ARFGEF3: variants seen among roughly 807,000 people sequenced by gnomAD.
ARFGEF3 encodes the protein brefeldin A-inhibited guanine nucleotide-exchange protein 3.
A neutral mutation model predicts 221.7 loss-of-function variants in ARFGEF3; 96 were observed. That is an observed-to-expected ratio of 0.43 (90% CI 0.37 to 0.51). ARFGEF3 has a LOEUF of 0.51. Among genes scored for constraint, ARFGEF3 ranks in the 20% least tolerant of loss-of-function variants. The pLI, the probability that ARFGEF3 is intolerant of heterozygous loss-of-function variation, is 0.00. For synonymous variants in ARFGEF3, 1,145 were observed against 1,126.8 expected (o/e 1.02, Z -0.32); for missense variants, 2,410 against 2,789.9 (o/e 0.86, Z 3.07).
At chr6:138,256,807 CAG>C (rs1490425324) in intron 10 of ARFGEF3, among the ~76,000 whole-genome samples, 2 of 151,196 alleles carry the variant, frequency 1.3e-5, no homozygotes, top group Admixed American at 6.6e-5. Flanking sequence ...TATTTTGAGA[CAG>C]AGTCTCACTC....
At chr6:138,254,116 G>A in intron 9 of ARFGEF3, 132 bp downstream of exon 9, 2 of 588,466 alleles carry the variant, frequency 3.4e-6, no homozygotes, top group South Asian at 5.0e-5. Context: ...ATGTCTTAGA[G>A]GGAAAGCAGG....
At chr6:138,165,452 G>T (rs548049256) in intron 1 of ARFGEF3, among the ~76,000 whole-genome samples, 2 of 151,566 alleles carry the variant, frequency 1.3e-5, no homozygotes, top group East Asian at 2.0e-4. Context: ...GGGAGAGAGG[G>T]TCATTCCCCA....
chr6:138,328,227 T>G, intron 32 of ARFGEF3, 85 bp downstream of exon 32: 1 of 1,408,830 alleles, frequency 7.1e-7, no homozygotes, highest in Non-Finnish European at 9.4e-7. Flanking sequence ...TAATCTGAGC[T>G]TTGGCCAGAA....
At chr6:138,233,779 A>G (rs894838543) in intron 5 of ARFGEF3, among the ~76,000 whole-genome samples, 6 of 152,208 alleles carry the variant, frequency 3.9e-5, no homozygotes, top group Non-Finnish European at 8.8e-5. Context: ...AATCCTGCAG[A>G]AAAGTACACA....
intron 4 of ARFGEF3, among the ~76,000 whole-genome samples, chr6:138,222,237 T>C (rs562925600): frequency 6.6e-6 from 1 of 152,176 alleles, no homozygotes; most frequent in Non-Finnish European, 1.5e-5. Context: ...ACACTAACAC[T>C]ACCGATAGCT....
chr6:138,174,269 C>G (rs1284780889), intron 2 of ARFGEF3, among the ~76,000 whole-genome samples: 1 of 151,924 alleles, frequency 6.6e-6, no homozygotes, highest in Non-Finnish European at 1.5e-5. Context: ...TGAATCAATA[C>G]TAGTCTGATT....
chr6:138,322,015 A>T (rs73568910), intron 29 of ARFGEF3, among the ~76,000 whole-genome samples: 1 of 152,072 alleles, frequency 6.6e-6, no homozygotes, highest in African/African-American at 2.4e-5. Flanking sequence ...CAGGGTACCC[A>T]GACATTTGGC....
intron 33 of ARFGEF3, 96 bp from the exon 34 acceptor site, chr6:138,336,199 G>C (rs1780317979): frequency 2.1e-6 from 2 of 945,084 alleles, no homozygotes; most frequent in African/African-American, 3.4e-5. Context: ...ACTAAAGCCT[G>C]GAAAAAAACC....
At position 138,267,987 on chromosome 6, in the gene ARFGEF3, A is replaced by C. The variant is rs1159018255; in HGVS notation, c.2128+4376A>C. On this transcript the variant is annotated intron_variant, in intron 12 of 33. Coordinates refer to ENST00000251691, the MANE Select transcript of ARFGEF3 (RefSeq NM_020340.5). ...TATTCAGGAGTTGGACTCTCTTTCC[A>C]AATTACAGACCCATCACTCTGTGGT... 2.0e-5 allele frequency among the ~76,000 whole-genome samples: 3 copies of C among 152,204 alleles called. No homozygotes were observed. In the East Asian group the frequency reaches 5.8e-4, roughly 29 times the overall value.
At chr6:138,199,928 G>A (rs1278234383) in intron 2 of ARFGEF3, among the ~76,000 whole-genome samples, 2 of 152,192 alleles carry the variant, frequency 1.3e-5, no homozygotes, top group Non-Finnish European at 1.5e-5. Flanking sequence ...GAGGAGTGGT[G>A]AGAGTGGGCA....
rs138916474 is a variant in ARFGEF3 at position 138,324,468 on chromosome 6, ATT to A, written c.5001+315_5001+316del. On this transcript the variant is annotated intron_variant, in intron 31 of 33. Transcript: ENST00000251691. The stretch of plus-strand genomic sequence containing the variant: ...ACCTGTAAGTATTTGCTTAACTGTT[ATT>A]GTTACTGCTAGACTATGAGTGCCTA... Among the ~76,000 whole-genome samples the A allele has an allele frequency of 6.7e-3, 1,013 of 152,304 alleles. 7 individuals are homozygous for A. Among genetic ancestry groups the A allele is most frequent in the Non-Finnish European group, 0.01 (711 of 68,012 alleles).
intron 12 of ARFGEF3, among the ~76,000 whole-genome samples, chr6:138,276,966 T>A (rs1209697626): frequency 6.6e-6 from 1 of 152,102 alleles, no homozygotes; most frequent in Non-Finnish European, 1.5e-5. Context: ...GCACCTGGCC[T>A]AACGTGTTTT....
Position 138,308,877 on chromosome 6 carries a change from C to T in ARFGEF3, c.4096+16C>T, listed in dbSNP as rs767282558. 1.9e-6 allele frequency: 3 copies of T among 1,613,898 alleles called. No homozygotes were observed. Among genetic ancestry groups the T allele is most frequent in the East Asian group, 2.2e-5 (1 of 44,880 alleles). ...AAAGGACTGGGTAAGCAGAACCCTT[C>T]TCTCATGCCTTGTAACTGCTGAGGA... On this transcript the variant is annotated intron_variant, in intron 24 of 33. Transcript: ENST00000251691.
rs191736504 is a variant in ARFGEF3 at position 138,332,025 on chromosome 6, A to C, written c.5124-1945A>C. ...CAAAAAATGATCTCGGTGGATGAAG[A>C]TATTCCACAATTCAGACATGGCTTT... On this transcript the variant is annotated intron_variant, in intron 32 of 33. Coordinates refer to ENST00000251691, the MANE Select transcript of ARFGEF3 (RefSeq NM_020340.5). Among the ~76,000 whole-genome samples, 27 of 151,124 alleles carry C rather than the reference A, an allele frequency of 1.8e-4. No individual in the cohort carries two copies. The East Asian group carries it at 5.1e-3, about 28-fold the overall frequency.
At chr6:138,266,250 G>T (rs192760787) in intron 12 of ARFGEF3, among the ~76,000 whole-genome samples, 1 of 151,264 alleles carries the variant, frequency 6.6e-6, no homozygotes, top group African/African-American at 2.4e-5. Context: ...ACAAAAGAAA[G>T]AGAAAGAGAA....
rs964091587 is a variant in ARFGEF3, at chr6:138,291,324, G to A, written c.3048-409G>A. 1.3e-5 allele frequency among the ~76,000 whole-genome samples: 2 copies of A among 152,136 alleles called. No individual in the cohort carries two copies. Among genetic ancestry groups the A allele is most frequent in the Admixed American group, 6.5e-5 (1 of 15,270 alleles). On this transcript the variant is annotated intron_variant, in intron 18 of 33. Transcript: ENST00000251691. This position sits in a 1 kb window ranked among gnomAD's most constrained non-coding sequence, Gnocchi z 4.5. ...GGTATAGCCATTCTGGGATCCCATCGTAGGGAAACGCTTCCCAACTCCTAA... is the reference window on the plus strand; with the variant it reads ...GGTATAGCCATTCTGGGATCCCATCATAGGGAAACGCTTCCCAACTCCTAA...
At position 138,342,324 on chromosome 6, in the gene ARFGEF3, A is replaced by G. The variant is rs1291970542; in HGVS notation, c.*5838A>G. The G allele has an allele frequency of 6.6e-6, 1 of 152,196 alleles. No homozygotes were observed. The highest frequency in any genetic ancestry group is 1.5e-5 in the Non-Finnish European group (1 of 68,048). The allele number at this position is 152,196 out of a possible 1,614,324, so 9.4% of individuals were successfully genotyped here. ...GCTTTGAGAACCACTGCCTTGAAAA[A>G]ATTTCCAACTTCTACCTTTAAGATC... On this transcript the variant is annotated 3_prime_UTR_variant, in exon 34 of 34. Transcript: ENST00000251691.
chr6:138,253,070 A>G (rs1361931442), intron 8 of ARFGEF3, among the ~76,000 whole-genome samples: 1 of 152,222 alleles, frequency 6.6e-6, no homozygotes, highest in African/African-American at 2.4e-5. Context: ...GTCTAATGCA[A>G]GTTCACAAAG....
chr6:138,235,387 G>A (rs1030867475), intron 5 of ARFGEF3, among the ~76,000 whole-genome samples: 1 of 152,104 alleles, frequency 6.6e-6, no homozygotes, highest in Non-Finnish European at 1.5e-5. Flanking sequence ...TATTTGACTT[G>A]GCCCTTTGAG....
Sources: gnomAD v4.1 joint callset for allele counts (sites outside exome capture counted in the v4.1 genomes callset) on GRCh38, gnomAD v4.1.1 for gene constraint, Gnocchi (gnomAD v3.1) non-coding constraint, MANE v1.5 for transcripts, NCBI Gene and HGNC (gene_info 2026-07-23, HGNC 2026-07-21) for gene names.